Variants in PRDM16 observed in about 807,000 individuals in gnomAD.
PRDM16 encodes the protein histone-lysine N-methyltransferase PRDM16.
A neutral mutation model predicts 110.6 loss-of-function variants in PRDM16; 23 were observed. That is an observed-to-expected ratio of 0.21 (90% CI 0.15 to 0.29). The LOEUF (loss-of-function observed/expected upper bound fraction) is 0.29, where lower values mean the gene tolerates loss of function less well. PRDM16 is among the 10% of genes least tolerant of loss of function. PRDM16 has a pLI of 1.00. For missense variants in PRDM16, 1,615 were observed against 1,794.3 expected (o/e 0.90, Z 1.81); for synonymous variants, 799 against 781.8 (o/e 1.02, Z -0.37).
chr1:3,245,526 G>T lies in PRDM16; in HGVS notation c.438+1389G>T, dbSNP rs1457644679. Reference sequence around the variant, plus strand: ...CCGGAAACTGGGTGAACTGGTTCCCGTGTCCCTCCCCGTCGCTGGTGTGGC... The same window carrying T: ...CCGGAAACTGGGTGAACTGGTTCCCTTGTCCCTCCCCGTCGCTGGTGTGGC... On this transcript the variant is annotated intron_variant, in intron 3 of 16. Coordinates refer to ENST00000270722, the MANE Select transcript of PRDM16 (RefSeq NM_022114.4). This position sits in a 1 kb window ranked among gnomAD's most constrained non-coding sequence, Gnocchi z 4.7. 1.3e-5 allele frequency among the ~76,000 whole-genome samples: 2 copies of T among 152,178 alleles called. No individual in the cohort carries two copies. Among genetic ancestry groups the T allele is most frequent in the African/African-American group, 4.8e-5 (2 of 41,436 alleles).
At chr1:3,288,329 G>A (rs546715661) in intron 3 of PRDM16, among the ~76,000 whole-genome samples, 1 of 152,288 alleles carries the variant, frequency 6.6e-6, no homozygotes, top group South Asian at 2.1e-4. Flanking sequence ...CAGGGGCAAG[G>A]CCAGGCAGCT....
At chr1:3,070,505 G>GCCTGCTCCCGCCGCCCCCT (rs1381125504) in intron 1 of PRDM16, among the ~76,000 whole-genome samples, 1 of 150,100 alleles carries the variant, frequency 6.7e-6, no homozygotes, top group African/African-American at 2.4e-5. Context: ...AATCGGCGCC[G>GCCTGCTCCCGCCGCCCCCT]CCTGCTCCCG....
intron 1 of PRDM16, among the ~76,000 whole-genome samples, chr1:3,109,313 T>A (rs998000335): frequency 6.6e-6 from 1 of 152,062 alleles, no homozygotes; most frequent in Non-Finnish European, 1.5e-5. Flanking sequence ...GATTCTAGCT[T>A]GTATTCAGTA....
At chr1:3,083,244 C>T (rs1019360398) in intron 1 of PRDM16, among the ~76,000 whole-genome samples, 9 of 152,156 alleles carry the variant, frequency 5.9e-5, no homozygotes, top group Admixed American at 6.5e-5. Flanking sequence ...GGTCGGGTCT[C>T]CTGGCTGCGC....
rs1642278220 is a variant in PRDM16 at position 3,341,787 on chromosome 1, G to A, written c.439-43365G>A. Among the ~76,000 whole-genome samples the A allele has an allele frequency of 2.0e-5, 3 of 152,386 alleles. No homozygotes were observed. In the South Asian group the frequency reaches 6.2e-4, roughly 32 times the overall value. ...TCCCAGGCCAGCCACACAGTCATGA[G>A]GGTGAACCGCCCGCGCTCTGCAGCG... On this transcript the variant is annotated intron_variant, in intron 3 of 16. Transcript: ENST00000270722.
intron 3 of PRDM16, chr1:3,307,201 T>C (rs1303862890): frequency 6.6e-6 from 1 of 152,244 alleles, no homozygotes; most frequent in Non-Finnish European, 1.5e-5. Flanking sequence ...TCCTTGAAAA[T>C]GGAACTGCTG....
chr1:3,412,361 C>G lies in PRDM16; in HGVS notation c.2164C>G (p.His722Asp), dbSNP rs1444905889. The change falls in exon 9 of 17, where the codon CAC becomes GAC. Residue 722 changes from histidine (H) to aspartate (D), a missense_variant. Physicochemically the swap from His to Asp is moderately conservative, Grantham distance 81 (BLOSUM62 -1). Transcript: ENST00000270722. ...QEKKLGSLPY[H>D]SAFPFQFLPN... ...GAAGAAGCTGGGCTCGCTCCCCTAC[C>G]ACTCGGCGTTCCCCTTCCAGTTCCT... 6.2e-7 allele frequency: 1 copy of G among 1,613,676 alleles called. No homozygotes were observed. The highest frequency in any genetic ancestry group is 1.7e-5 in the Admixed American group (1 of 60,024).
chr1:3,436,013 A>AC lies in PRDM16; in HGVS notation c.*2203dup, dbSNP rs1461660354. On this transcript the variant is annotated 3_prime_UTR_variant, in exon 17 of 17. Transcript: ENST00000270722. ...GAAGGATCCAGGATCTGCAAACACA[A>AC]CTGCTCAGGCCTTCTCACGCGTTTC... is the stretch of plus-strand genomic sequence containing the variant. The AC allele has an allele frequency of 8.7e-6, 2 of 230,522 alleles. No homozygotes were observed. Among genetic ancestry groups the AC allele is most frequent in the African/African-American group, 2.2e-5 (1 of 45,072 alleles). The allele number at this position is 230,522 out of a possible 1,614,324, so 14.3% of individuals were successfully genotyped here.
intron 10 of PRDM16, 96 bp downstream of exon 10, chr1:3,414,743 G>C: frequency 1.1e-6 from 1 of 949,868 alleles, no homozygotes; most frequent in South Asian, 1.5e-5. Context: ...TGGAGCCTAA[G>C]TCCCCGTCCA....
In PRDM16 at chr1:3,351,532, C is replaced by CCTCTCTCCCCTTCCCTCTCT; in HGVS notation, c.439-33619_439-33618insTCTCTCCCCTTCCCTCTCTC. Among the ~76,000 whole-genome samples, 3 of 2,732 alleles carry CCTCTCTCCCCTTCCCTCTCT rather than the reference C, an allele frequency of 1.1e-3. 1 individual carries two copies. The highest frequency in any genetic ancestry group is 9.8e-4 in the Non-Finnish European group (1 of 1,016). The allele number at this position is 2,732 out of a possible 152,430, so 1.8% of individuals were successfully genotyped here. ...GTGTCACATTGGAACCCGTCTCTGT[C>CCTCTCTCCCCTTCCCTCTCT]CCCCTCCCTCTCTGTCCCCCTCCCT... On this transcript the variant is annotated intron_variant, in intron 3 of 16. Transcript: ENST00000270722.
At chr1:3,140,473 C>T (rs904941714) in intron 1 of PRDM16, among the ~76,000 whole-genome samples, 1 of 152,128 alleles carries the variant, frequency 6.6e-6, no homozygotes, top group Non-Finnish European at 1.5e-5. Flanking sequence ...CCCCACCCCT[C>T]GCCTGTCTCT....
chr1:3,230,428 G>T (rs1639380364), intron 2 of PRDM16, among the ~76,000 whole-genome samples: 1 of 152,212 alleles, frequency 6.6e-6, no homozygotes, highest in South Asian at 2.1e-4. Flanking sequence ...CACCAGACCT[G>T]CCCCAGAGAA....
chr1:3,098,427 C>A (rs1257836957), intron 1 of PRDM16, among the ~76,000 whole-genome samples: 1 of 152,048 alleles, frequency 6.6e-6, no homozygotes, highest in East Asian at 1.9e-4. Flanking sequence ...TGTGTCTGGC[C>A]CAGGGTCCCA....
At chr1:3,129,537 GCACCTGGGAAAGGAGCC>G (rs1643290937) in intron 1 of PRDM16, among the ~76,000 whole-genome samples, 2 of 152,154 alleles carry the variant, frequency 1.3e-5, no homozygotes, top group African/African-American at 4.8e-5. Context: ...GCTGCTGAGG[GCACCTGGGAAAGGAGCC>G]GGGGCAGACC....
At chr1:3,327,579 C>T (rs879578291) in intron 3 of PRDM16, among the ~76,000 whole-genome samples, 2 of 152,242 alleles carry the variant, frequency 1.3e-5, no homozygotes, top group Non-Finnish European at 2.9e-5. Flanking sequence ...CAGAGCGTAT[C>T]AGCCGCTGCA....
At chr1:3,070,164 C>T (rs1455144282) in intron 1 of PRDM16, among the ~76,000 whole-genome samples, 1 of 151,930 alleles carries the variant, frequency 6.6e-6, no homozygotes, top group Non-Finnish European at 1.5e-5. Flanking sequence ...ACAGCCGGGC[C>T]CGGCGGGGAC....
intron 3 of PRDM16, among the ~76,000 whole-genome samples, chr1:3,282,261 C>G (rs912121832): frequency 1.3e-5 from 2 of 152,194 alleles, no homozygotes; most frequent in Admixed American, 6.5e-5. Flanking sequence ...CAGCAGGTGC[C>G]GGGCACCAGC....
At position 3,396,532 on chromosome 1, in the gene PRDM16, G is replaced by A. The variant is rs370059347; in HGVS notation, c.615G>A (p.Glu205=). The change falls in exon 5 of 17, where the codon GAG becomes GAA. Residue 205 remains glutamate, a synonymous_variant. Coordinates refer to ENST00000270722, the MANE Select transcript of PRDM16 (RefSeq NM_022114.4). ...KVIKDIEPGE[E]LLVHVKEGVY... is the part of the protein sequence containing the mutation. ...TTAAGGACATTGAGCCAGGTGAGGA[G>A]CTGCTGGTGCACGTGAAGGAAGGCG... 19 of 1,607,348 alleles carry A rather than the reference G, an allele frequency of 1.2e-5. No individual in the cohort carries two copies. In the African/African-American group the frequency reaches 2.5e-4, roughly 21 times the overall value.
intron 1 of PRDM16, among the ~76,000 whole-genome samples, chr1:3,173,790 G>A (rs114054273): frequency 0.061 from 9,229 of 152,288 alleles, 294 homozygotes; most frequent in Admixed American, 0.074. Context: ...CCGAGGCTCC[G>A]TGCTCAGCAA....
Sources: allele counts gnomAD v4.1 joint callset (sites outside exome capture counted in the v4.1 genomes callset), GRCh38; gene constraint gnomAD v4.1.1; non-coding constraint Gnocchi (gnomAD v3.1); transcripts MANE v1.5; gene names NCBI Gene and HGNC (gene_info 2026-07-23, HGNC 2026-07-21).